The following VGLL3 variants were observed in gnomAD, a reference collection of about 807,000 sequenced individuals.
VGLL3 encodes the protein transcription cofactor vestigial-like protein 3.
Under a neutral mutation model 29.2 loss-of-function variants are expected in VGLL3, and 18 were observed. The observed-to-expected ratio is 0.62, with a 90% CI of 0.43 to 0.91. The LOEUF is 0.91. Ranked by LOEUF, VGLL3 falls within the 40% of genes least tolerant of loss-of-function variation. The pLI is 0.00. For synonymous variants in VGLL3, 180 were observed against 151.8 expected (o/e 1.19, Z -1.36); for missense variants, 440 against 413.2 (o/e 1.06, Z -0.56).
chr3:86,981,542 CCT>C (rs1705324133), intron 1 of VGLL3, among the ~76,000 whole-genome samples: 1 of 151,110 alleles, frequency 6.6e-6, no homozygotes, highest in African/African-American at 2.4e-5. Flanking sequence ...CTGAAATATT[CCT>C]TTTTGATATA....
chr3:86,969,472 C>G (rs1257497212), intron 2 of VGLL3, among the ~76,000 whole-genome samples: 1 of 152,114 alleles, frequency 6.6e-6, no homozygotes, highest in East Asian at 1.9e-4. Context: ...TCATATCTAC[C>G]CACTTCACTG....
intron 2 of VGLL3, among the ~76,000 whole-genome samples, chr3:86,973,989 CA>C (rs1188170542): frequency 6.6e-6 from 1 of 152,114 alleles, no homozygotes; most frequent in Admixed American, 6.6e-5. Context: ...TATTTGAAAC[CA>C]ATGTTTAGCG....
intron 1 of VGLL3, among the ~76,000 whole-genome samples, chr3:86,979,768 CAT>C (rs780338414): frequency 6.6e-6 from 1 of 151,962 alleles, no homozygotes; most frequent in Non-Finnish European, 1.5e-5. Flanking sequence ...CAGGTATAGA[CAT>C]GTGTGTGCAT....
chr3:86,962,450 G>A, intron 3 of VGLL3: 27 of 985,196 alleles, frequency 2.7e-5, no homozygotes, highest in Non-Finnish European at 3.3e-5. Flanking sequence ...CGGAAAAAAT[G>A]GACCACCTTA....
chr3:86,989,185 T>C (rs913634625), intron 1 of VGLL3, among the ~76,000 whole-genome samples: 1 of 152,232 alleles, frequency 6.6e-6, no homozygotes, highest in Non-Finnish European at 1.5e-5. Flanking sequence ...GTTTGTTATT[T>C]TATAAAGGAG....
chr3:86,956,266 T>C (rs562903456), intron 3 of VGLL3, among the ~76,000 whole-genome samples: 2 of 152,356 alleles, frequency 1.3e-5, no homozygotes, highest in African/African-American at 2.4e-5. Context: ...ACCTGACCAC[T>C]GAAACAGGCT....
intron 1 of VGLL3, among the ~76,000 whole-genome samples, chr3:86,985,968 A>G (rs1213045509): frequency 6.6e-6 from 1 of 152,102 alleles, no homozygotes; most frequent in South Asian, 2.1e-4. Flanking sequence ...CATAAGCATA[A>G]TAGTTTTATT....
At chr3:86,954,131 T>C (rs1292854161) in intron 3 of VGLL3, among the ~76,000 whole-genome samples, 3 of 152,230 alleles carry the variant, frequency 2.0e-5, no homozygotes, top group Non-Finnish European at 4.4e-5. Context: ...CACGTAGTAG[T>C]ATTGTCAGAA....
rs1472569036 is a variant in VGLL3, at chr3:86,991,011, C to T, written c.-268G>A. 2 of 879,936 alleles carry T rather than the reference C, an allele frequency of 2.3e-6. No individual in the cohort carries two copies. The highest frequency in any genetic ancestry group is 2.8e-6 in the Non-Finnish European group (2 of 726,318). The allele number at this position is 879,936 out of a possible 1,614,324, so 54.5% of individuals were successfully genotyped here. A position where few individuals can be genotyped will look rare whatever the true frequency, so the allele number is the denominator to read the frequency against. On this transcript the variant is annotated 5_prime_UTR_variant, in exon 1 of 4. Coordinates refer to ENST00000398399, the MANE Select transcript of VGLL3 (RefSeq NM_016206.4). ...GCGCTTATATAGCGGCTCAGGGACG[C>T]AGCCGCCCGCTGCGCCGCTGGGGCA...
Position 86,943,203 on chromosome 3 carries a change from C to T in VGLL3, c.*3821G>A, listed in dbSNP as rs1704435239. 1 of 152,210 alleles carries T rather than the reference C, an allele frequency of 6.6e-6. No homozygotes were observed. Among genetic ancestry groups the T allele is most frequent in the South Asian group, 2.1e-4 (1 of 4,834 alleles). 9.4% of individuals were successfully genotyped at this position (152,210 alleles called of 1,614,324 possible). On this transcript the variant is annotated 3_prime_UTR_variant, in exon 4 of 4. Coordinates refer to ENST00000398399, the MANE Select transcript of VGLL3 (RefSeq NM_016206.4). ...TTCATTCTGCTTTCTATTTATCCCT[C>T]ATTCAAAACTCTAACATATATACTT...
At chr3:86,969,854 GGTA>G (rs1705055571) in intron 2 of VGLL3, among the ~76,000 whole-genome samples, 1 of 152,028 alleles carries the variant, frequency 6.6e-6, no homozygotes, top group African/African-American at 2.4e-5. Context: ...AGGCCTATGG[GGTA>G]GTTATTGTTA....
At chr3:86,966,478 A>G (rs1428464647) in intron 3 of VGLL3, among the ~76,000 whole-genome samples, 8 of 151,752 alleles carry the variant, frequency 5.3e-5, no homozygotes, top group African/African-American at 1.9e-4. Flanking sequence ...ACTGTCCTAA[A>G]CCCATGCTGA....
chr3:86,975,882 C>G (rs563194900), intron 2 of VGLL3, among the ~76,000 whole-genome samples: 1 of 152,112 alleles, frequency 6.6e-6, no homozygotes, highest in South Asian at 2.1e-4. Context: ...GAGGCCGAGG[C>G]GGGCAGATCA....
chr3:86,971,921 A>G (rs1705109296), intron 2 of VGLL3, among the ~76,000 whole-genome samples: 1 of 151,990 alleles, frequency 6.6e-6, no homozygotes, highest in Admixed American at 6.6e-5. Context: ...CCTAACTTCC[A>G]TCTCCCGAGG....
At chr3:86,952,481 A>G (rs1704636115) in intron 3 of VGLL3, among the ~76,000 whole-genome samples, 1 of 152,180 alleles carries the variant, frequency 6.6e-6, no homozygotes, top group African/African-American at 2.4e-5. Flanking sequence ...AAAAGAGGTA[A>G]CCATACAATG....
At position 86,969,091 on chromosome 3, in the gene VGLL3, A is replaced by G; in HGVS notation, c.436T>C (p.Phe146Leu). ...GAGCTGGTCCAAAAGGAAGTTGGGA[A>G]ACTATTCCGCTGGCTTGAGAGAGCT... ...SSALSSQRNS[F>L]PTSFWTSSYQ... The change falls in exon 3 of 4, where the codon TTC (phenylalanine) becomes CTC (leucine). Residue 146 changes from phenylalanine (F) to leucine (L), a missense_variant. Physicochemically the swap from Phe to Leu is conservative, Grantham distance 22. Coordinates refer to ENST00000398399, the MANE Select transcript of VGLL3 (RefSeq NM_016206.4). The G allele has an allele frequency of 6.2e-7, 1 of 1,607,762 alleles. No individual in the cohort carries two copies. The highest frequency in any genetic ancestry group is 1.7e-4 in the Middle Eastern group (1 of 6,022).
At chr3:86,976,196 A>T (rs1705206286) in intron 2 of VGLL3, among the ~76,000 whole-genome samples, 1 of 151,990 alleles carries the variant, frequency 6.6e-6, no homozygotes, top group Admixed American at 6.6e-5. Context: ...TTTGCTTCTC[A>T]TTGAATATTC....
rs1224661765 is a variant in VGLL3, at chr3:86,968,631, T to C, written c.896A>G (p.His299Arg). Reference sequence around the variant, plus strand: ...GCTGGGCACTATGTCTACTGTTCCATGAAAGGCTCCAGCCCATGCTGAGGT... The same window carrying C: ...GCTGGGCACTATGTCTACTGTTCCACGAAAGGCTCCAGCCCATGCTGAGGT... ...SATSAWAGAFHGTVDIVPSVG... is the reference protein window; with the variant it reads ...SATSAWAGAFRGTVDIVPSVG... The change falls in exon 3 of 4, where the codon CAT becomes CGT. Residue 299 changes from histidine (H) to arginine (R), a missense_variant. Coordinates refer to ENST00000398399, the MANE Select transcript of VGLL3 (RefSeq NM_016206.4). 5 of 1,614,182 alleles carry C rather than the reference T, an allele frequency of 3.1e-6. No individual in the cohort carries two copies. In the South Asian group the frequency reaches 4.4e-5, roughly 14 times the overall value.
rs1234159598 is a variant in VGLL3, at chr3:86,957,056, T to A, written c.938-9989A>T. Among the ~76,000 whole-genome samples, 3 of 152,126 alleles carry A rather than the reference T, an allele frequency of 2.0e-5. 1 individual carries two copies. In the East Asian group the frequency reaches 5.8e-4, roughly 29 times the overall value. ...TATGAGTGCCAGGGATGAATAAATATCTCAACAATACGTAAGCATAATGGG... is the reference window on the plus strand; with the variant it reads ...TATGAGTGCCAGGGATGAATAAATAACTCAACAATACGTAAGCATAATGGG... On this transcript the variant is annotated intron_variant, in intron 3 of 3. Coordinates refer to ENST00000398399, the MANE Select transcript of VGLL3 (RefSeq NM_016206.4).
Sources: allele counts gnomAD v4.1 joint callset (sites outside exome capture counted in the v4.1 genomes callset), GRCh38; gene constraint gnomAD v4.1.1; transcripts MANE v1.5; gene names NCBI Gene and HGNC (gene_info 2026-07-23, HGNC 2026-07-21).